The following FUT9 variants were observed in gnomAD, a reference collection of about 807,000 sequenced individuals.
FUT9 encodes the protein 4-galactosyl-N-acetylglucosaminide 3-alpha-L-fucosyltransferase 9.
In FUT9, 15 loss-of-function variants were observed where a neutral mutation model predicts 29.7. That is an observed-to-expected ratio of 0.51 (90% CI 0.34 to 0.78). The LOEUF (loss-of-function observed/expected upper bound fraction) is 0.78. FUT9 is among the 30% of genes least tolerant of loss of function. The pLI is 0.01. For synonymous variants in FUT9, 169 were observed against 153.7 expected (o/e 1.10, Z -0.74); for missense variants, 319 against 425.4 (o/e 0.75, Z 2.20).
chr6:96,139,615 C>T (rs1772424266), intron 2 of FUT9, among the ~76,000 whole-genome samples: 1 of 152,162 alleles, frequency 6.6e-6, no homozygotes, highest in Admixed American at 6.5e-5. Flanking sequence ...CCTGGACATC[C>T]AGGCATTTCC....
In FUT9 at chr6:96,203,584, C is replaced by T. The variant is rs142240115; in HGVS notation, c.429C>T (p.Pro143=). The stretch of plus-strand genomic sequence containing the variant: ...ATTTGGAATCACCAACTCACACTCC[C>T]CAAAAGAGTGGCATTGAGCACTTGT... ...WMNLESPTHT[P]QKSGIEHLFN... Residue 143 remains proline, a synonymous_variant, in exon 3 of 3, where the codon CCC becomes CCT. Coordinates refer to ENST00000302103, the MANE Select transcript of FUT9 (RefSeq NM_006581.4). The T allele has an allele frequency of 1.6e-5, 26 of 1,613,766 alleles. No homozygotes were observed. In the African/African-American group the frequency reaches 2.4e-4, roughly 15 times the overall value.
intron 1 of FUT9, among the ~76,000 whole-genome samples, chr6:96,043,320 G>A (rs1322728129): frequency 6.6e-6 from 1 of 152,210 alleles, no homozygotes. Context: ...AAAGTGCTGG[G>A]ATTACAGGCG....
intron 1 of FUT9, among the ~76,000 whole-genome samples, chr6:96,043,121 G>T (rs181444498): frequency 0.016 from 2,451 of 152,110 alleles, 52 homozygotes; most frequent in South Asian, 0.1. Context: ...GCGCGATCTC[G>T]GCTCACTGCA....
At chr6:96,094,487 G>C (rs1343196390) in intron 1 of FUT9, among the ~76,000 whole-genome samples, 4 of 152,134 alleles carry the variant, frequency 2.6e-5, no homozygotes, top group Non-Finnish European at 5.9e-5. Flanking sequence ...ATCGTATGCT[G>C]AGGTTGCAAC....
At chr6:96,175,172 T>C (rs1217731368) in intron 2 of FUT9, among the ~76,000 whole-genome samples, 5 of 151,978 alleles carry the variant, frequency 3.3e-5, no homozygotes, top group Non-Finnish European at 1.5e-5. Context: ...GCTAAAGGAA[T>C]ATCTTGTGGC....
At chr6:96,179,113 G>C (rs1047786615) in intron 2 of FUT9, among the ~76,000 whole-genome samples, 1 of 151,984 alleles carries the variant, frequency 6.6e-6, no homozygotes, top group Non-Finnish European at 1.5e-5. Flanking sequence ...TGGGATCTTA[G>C]GTATAGTCAT....
chr6:96,127,878 A>G (rs904665795), intron 2 of FUT9, among the ~76,000 whole-genome samples: 23 of 151,822 alleles, frequency 1.5e-4, no homozygotes, highest in African/African-American at 5.1e-4. Context: ...GGGGTTGTTT[A>G]TTTTTTGCCT....
At chr6:96,139,043 G>A (rs767990177) in intron 2 of FUT9, among the ~76,000 whole-genome samples, 1 of 152,054 alleles carries the variant, frequency 6.6e-6, no homozygotes, top group Non-Finnish European at 1.5e-5. Context: ...TAACATTACA[G>A]GTGTATATTG....
intron 1 of FUT9, among the ~76,000 whole-genome samples, chr6:96,110,758 C>T (rs1562128462): frequency 6.6e-6 from 1 of 151,744 alleles, no homozygotes; most frequent in African/African-American, 2.4e-5. Flanking sequence ...TGGGCTCAAG[C>T]AATCTTCCCA....
chr6:96,044,079 G>C (rs1419684070), intron 1 of FUT9, among the ~76,000 whole-genome samples: 1 of 152,132 alleles, frequency 6.6e-6, no homozygotes, highest in African/African-American at 2.4e-5. Context: ...AAGTGGTTGC[G>C]AGTGAGATGA....
chr6:96,049,033 T>C (rs1770616572), intron 1 of FUT9, among the ~76,000 whole-genome samples: 1 of 152,228 alleles, frequency 6.6e-6, no homozygotes, highest in Non-Finnish European at 1.5e-5. Flanking sequence ...TGTGAGTTCC[T>C]ACATGTAAAA....
At position 96,213,823 on chromosome 6, in the gene FUT9, AG is replaced by A. The variant is rs2127994381; in HGVS notation, c.*9589del. ...TCAACTTTTCTTTAAATCTTATTTT[AG>A]TAGCTAATGCATGTTTGAAATAAGA... On this transcript the variant is annotated 3_prime_UTR_variant, in exon 3 of 3. Coordinates refer to ENST00000302103, the MANE Select transcript of FUT9 (RefSeq NM_006581.4). The A allele has an allele frequency of 1.2e-5, 2 of 167,098 alleles. 1 individual carries two copies. Among genetic ancestry groups the A allele is most frequent in the Admixed American group, 1.3e-4 (2 of 15,282 alleles). 10.4% of individuals were successfully genotyped at this position (167,098 alleles called of 1,614,324 possible).
intron 1 of FUT9, among the ~76,000 whole-genome samples, chr6:96,069,468 A>G (rs1436003191): frequency 6.6e-6 from 1 of 152,126 alleles, no homozygotes; most frequent in Admixed American, 6.5e-5. Context: ...TTTTAAAAAT[A>G]TAGTTAATTT....
chr6:96,120,713 A>AT (rs11440295), intron 2 of FUT9, among the ~76,000 whole-genome samples: 119,473 of 145,554 alleles, frequency 0.82, 50,320 homozygotes, highest in Admixed American at 0.91. Context: ...CATTAAGCAC[A>AT]TTTTTTTTTT....
rs1431996028 is a variant in FUT9 at position 96,072,800 on chromosome 6, A to G, written c.-97-41239A>G. Among the ~76,000 whole-genome samples the G allele has an allele frequency of 2.0e-5, 3 of 152,350 alleles. No individual in the cohort carries two copies. The East Asian group carries it at 5.8e-4, about 29-fold the overall frequency. On this transcript the variant is annotated intron_variant, in intron 1 of 2. Transcript: ENST00000302103. ...TGATGTTAATAAAAATTGCACAAAC[A>G]TAGCTATGTAAAGTTTATAGTTACT...
intron 1 of FUT9, among the ~76,000 whole-genome samples, chr6:96,069,634 A>T (rs9390816): frequency 2.1e-4 from 7 of 32,938 alleles, no homozygotes; most frequent in Admixed American, 3.8e-4. Flanking sequence ...TTTATTTTTT[A>T]TTTTATTTTT....
intron 2 of FUT9, among the ~76,000 whole-genome samples, chr6:96,199,952 T>A (rs1049798471): frequency 6.6e-6 from 1 of 152,186 alleles, no homozygotes; most frequent in Admixed American, 6.5e-5. Context: ...CTAAAATGAT[T>A]GCATATTCTG....
intron 1 of FUT9, among the ~76,000 whole-genome samples, chr6:96,035,759 A>C (rs1770345539): frequency 7.7e-6 from 1 of 129,350 alleles, no homozygotes; most frequent in African/African-American, 2.9e-5. Flanking sequence ...ATAATATAAT[A>C]TTATAATTAA....
chr6:96,184,862 C>T (rs1167354515), intron 2 of FUT9, among the ~76,000 whole-genome samples: 1 of 152,044 alleles, frequency 6.6e-6, no homozygotes, highest in Non-Finnish European at 1.5e-5. Flanking sequence ...GCTTATGTGA[C>T]ATTCCCTAGT....
Sources: allele counts gnomAD v4.1 joint callset (sites outside exome capture counted in the v4.1 genomes callset), GRCh38; gene constraint gnomAD v4.1.1; transcripts MANE v1.5; gene names NCBI Gene and HGNC (gene_info 2026-07-23, HGNC 2026-07-21).